Variants in SLC35F3 observed in about 807,000 individuals in gnomAD.
SLC35F3 encodes putative thiamine transporter SLC35F3.
A neutral mutation model predicts 49.9 loss-of-function variants in SLC35F3; 25 were observed. That is an observed-to-expected ratio of 0.50 (90% CI 0.37 to 0.70). The LOEUF (loss-of-function observed/expected upper bound fraction) is 0.70. Among genes scored for constraint, SLC35F3 ranks in the 30% least tolerant of loss-of-function variants. The pLI, the probability that SLC35F3 is intolerant of heterozygous loss-of-function variation, is 0.00. For missense variants in SLC35F3, 525 were observed against 639.8 expected, an observed-to-expected ratio of 0.82 and a Z score of 1.94; for synonymous variants, 275 against 265.4, an observed-to-expected ratio of 1.04 and a Z score of -0.35.
At chr1:234,159,414 CA>C (rs1313111109) in intron 2 of SLC35F3, among the ~76,000 whole-genome samples, 2 of 151,826 alleles carry the variant, frequency 1.3e-5, no homozygotes, top group Non-Finnish European at 2.9e-5. Flanking sequence ...CCGTCTCTAC[CA>C]AAAATATAAA....
At chr1:233,986,475 C>G (rs935716135) in intron 2 of SLC35F3, among the ~76,000 whole-genome samples, 1 of 152,116 alleles carries the variant, frequency 6.6e-6, no homozygotes, top group Non-Finnish European at 1.5e-5. Context: ...AACATCTAGA[C>G]AGTTTATGAG....
chr1:234,216,255 C>T (rs1468875258), intron 2 of SLC35F3, among the ~76,000 whole-genome samples: 3 of 152,254 alleles, frequency 2.0e-5, no homozygotes, highest in African/African-American at 7.2e-5. Context: ...CCACTCCTAC[C>T]TCCTAGTAGG....
intron 2 of SLC35F3, among the ~76,000 whole-genome samples, chr1:234,150,907 G>GTT (rs1666066465): frequency 6.6e-6 from 1 of 152,192 alleles, no homozygotes; most frequent in Non-Finnish European, 1.5e-5. Flanking sequence ...GAGAACAAAA[G>GTT]GACCCAAAAT....
At chr1:234,059,423 C>A (rs953327483) in intron 2 of SLC35F3, among the ~76,000 whole-genome samples, 2 of 151,438 alleles carry the variant, frequency 1.3e-5, no homozygotes, top group Admixed American at 1.3e-4. Flanking sequence ...TCTTTGGTTT[C>A]TTCTTTAATC....
At chr1:234,259,432 A>G (rs1667867999) in intron 3 of SLC35F3, among the ~76,000 whole-genome samples, 1 of 152,192 alleles carries the variant, frequency 6.6e-6, no homozygotes, top group Non-Finnish European at 1.5e-5. Context: ...GCTGCTAAGT[A>G]GAAAGTTCCA....
chr1:234,179,212 C>A (rs1666522009), intron 2 of SLC35F3, among the ~76,000 whole-genome samples: 1 of 152,102 alleles, frequency 6.6e-6, no homozygotes, highest in Non-Finnish European at 1.5e-5. Flanking sequence ...TTTCAGTGAA[C>A]AGAGAATTTT....
At chr1:234,157,740 G>A (rs1398579322) in intron 2 of SLC35F3, among the ~76,000 whole-genome samples, 1 of 152,076 alleles carries the variant, frequency 6.6e-6, no homozygotes, top group Non-Finnish European at 1.5e-5. Flanking sequence ...AAAGCTGCTG[G>A]TGGCTCACGT....
chr1:234,234,104 AG>A (rs764226637), intron 3 of SLC35F3, among the ~76,000 whole-genome samples: 3 of 152,246 alleles, frequency 2.0e-5, no homozygotes, highest in Non-Finnish European at 4.4e-5. Flanking sequence ...TCAGAGATCA[AG>A]GAAGACTGAA....
At chr1:233,955,087 A>G (rs1037900484) in intron 2 of SLC35F3, among the ~76,000 whole-genome samples, 1 of 151,832 alleles carries the variant, frequency 6.6e-6, no homozygotes, top group African/African-American at 2.4e-5. Context: ...CAGGTGATCC[A>G]CCTGCCTCAG....
intron 2 of SLC35F3, among the ~76,000 whole-genome samples, chr1:234,011,614 T>C (rs925825331): frequency 2.0e-5 from 3 of 152,110 alleles, no homozygotes; most frequent in Admixed American, 2.0e-4. Context: ...GTTAACCTAA[T>C]GTGCTCATCT....
At chr1:234,103,339 A>G (rs1665239942) in intron 2 of SLC35F3, among the ~76,000 whole-genome samples, 1 of 152,114 alleles carries the variant, frequency 6.6e-6, no homozygotes, top group Non-Finnish European at 1.5e-5. Context: ...TCTGCCTTCA[A>G]TCACAACTAC....
chr1:234,146,513 C>T (rs9435571), intron 2 of SLC35F3, among the ~76,000 whole-genome samples: 3,494 of 75,102 alleles, frequency 0.047, 214 homozygotes, highest in African/African-American at 0.2. Flanking sequence ...TTTCTGGAGA[C>T]GGAGTTTCGC....
At chr1:233,907,287 T>C (rs1661792573) in intron 2 of SLC35F3, among the ~76,000 whole-genome samples, 1 of 152,254 alleles carries the variant, frequency 6.6e-6, no homozygotes, top group Non-Finnish European at 1.5e-5. Context: ...AATCTATTTG[T>C]GACTGGCTGT....
chr1:234,003,127 C>T (rs953145086), intron 2 of SLC35F3, among the ~76,000 whole-genome samples: 1 of 152,156 alleles, frequency 6.6e-6, no homozygotes, highest in African/African-American at 2.4e-5. Context: ...TGGTTCTTTT[C>T]GTTGAAGAGT....
chr1:234,109,480 C>A (rs1034930476), intron 2 of SLC35F3, among the ~76,000 whole-genome samples: 1 of 152,186 alleles, frequency 6.6e-6, no homozygotes, highest in African/African-American at 2.4e-5. Flanking sequence ...AGAGAACCCA[C>A]CTTGAATGTT....
chr1:234,170,414 A>G (rs1278348273), intron 2 of SLC35F3, among the ~76,000 whole-genome samples: 1 of 152,018 alleles, frequency 6.6e-6, no homozygotes, highest in Non-Finnish European at 1.5e-5. Flanking sequence ...AGTAGCCAGT[A>G]CAGAAGTGAG....
intron 2 of SLC35F3, among the ~76,000 whole-genome samples, chr1:234,222,110 G>C (rs1267828910): frequency 6.6e-6 from 1 of 152,206 alleles, no homozygotes; most frequent in Non-Finnish European, 1.5e-5. Flanking sequence ...AGCTACATGA[G>C]TACAACTTGC....
chr1:234,280,066 A>G (rs1363288524), intron 3 of SLC35F3, among the ~76,000 whole-genome samples: 1 of 152,178 alleles, frequency 6.6e-6, no homozygotes, highest in East Asian at 1.9e-4. Context: ...GTGGTCTTTG[A>G]TCCTCACACA....
At chr1:234,168,849 A>G (rs1041417558) in intron 2 of SLC35F3, among the ~76,000 whole-genome samples, 3 of 152,212 alleles carry the variant, frequency 2.0e-5, no homozygotes, top group Admixed American at 6.5e-5. Context: ...AGCCCTGCCT[A>G]TTGGGAGCTG....
Sources: gnomAD v4.1 joint callset for allele counts (sites outside exome capture counted in the v4.1 genomes callset) on GRCh38, gnomAD v4.1.1 for gene constraint, MANE v1.5 for transcripts, NCBI Gene and HGNC (gene_info 2026-07-23, HGNC 2026-07-21) for gene names.